ROBO2: variants seen among roughly 807,000 people sequenced by gnomAD.
ROBO2 encodes roundabout guidance receptor 2.
ROBO2 carries 53 observed loss-of-function variants against 160.8 expected under a neutral mutation model. The observed-to-expected ratio is 0.33, with a 90% CI of 0.26 to 0.41. The LOEUF (loss-of-function observed/expected upper bound fraction) is 0.41, where lower values mean the gene tolerates loss of function less well. ROBO2 is among the 10% of genes least tolerant of loss of function. The pLI is 1.00. For missense variants in ROBO2, 1,577 were observed against 1,722.4 expected (o/e 0.92, Z 1.49); for synonymous variants, 664 against 611.7 (o/e 1.09, Z -1.26).
chr3:76,343,562 G>A (rs2074356051), intron 2 of ROBO2, among the ~76,000 whole-genome samples: 1 of 150,884 alleles, frequency 6.6e-6, no homozygotes, highest in Non-Finnish European at 1.5e-5. Flanking sequence ...TGCGGTTTTT[G>A]CCATTGAAAC....
intron 6 of ROBO2, among the ~76,000 whole-genome samples, chr3:77,544,102 C>A (rs924177552): frequency 2.8e-5 from 3 of 105,490 alleles, no homozygotes; most frequent in East Asian, 5.2e-4. Context: ...CGGAAACAAA[C>A]CTTAAGTGTT....
At chr3:76,461,383 G>T (rs959082015) in intron 2 of ROBO2, among the ~76,000 whole-genome samples, 2 of 152,114 alleles carry the variant, frequency 1.3e-5, no homozygotes, top group Non-Finnish European at 2.9e-5. Context: ...GATTTGGGCA[G>T]GGACAAATAT....
chr3:76,047,779 T>C (rs927931701), intron 2 of ROBO2, among the ~76,000 whole-genome samples: 2 of 152,214 alleles, frequency 1.3e-5, no homozygotes, highest in South Asian at 4.1e-4. Flanking sequence ...TAATTTCTAC[T>C]AAGAAGTGTG....
intron 2 of ROBO2, among the ~76,000 whole-genome samples, chr3:75,966,341 T>C (rs1949114737): frequency 6.6e-6 from 1 of 151,750 alleles, no homozygotes; most frequent in South Asian, 2.1e-4. Context: ...GGTTTCCCTA[T>C]ACAATAGTCA....
chr3:76,343,650 G>C (rs1027107362), intron 2 of ROBO2, among the ~76,000 whole-genome samples: 4 of 151,860 alleles, frequency 2.6e-5, no homozygotes, highest in African/African-American at 7.3e-5. Flanking sequence ...AGGTGTTTAA[G>C]TGACAAAGCA....
chr3:76,643,081 A>G (rs2090783194), intron 2 of ROBO2, among the ~76,000 whole-genome samples: 1 of 152,186 alleles, frequency 6.6e-6, no homozygotes, highest in South Asian at 2.1e-4. Flanking sequence ...TTCTGTATTA[A>G]AAGAGGTCCT....
At chr3:76,524,331 A>C (rs959262666) in intron 2 of ROBO2, among the ~76,000 whole-genome samples, 1 of 152,008 alleles carries the variant, frequency 6.6e-6, no homozygotes, top group Non-Finnish European at 1.5e-5. Flanking sequence ...AATGTCATTG[A>C]AACTACTCTA....
chr3:75,924,542 G>A (rs1309727695), intron 1 of ROBO2, among the ~76,000 whole-genome samples: 1 of 152,044 alleles, frequency 6.6e-6, no homozygotes, highest in East Asian at 1.9e-4. Flanking sequence ...GACAAAAAAT[G>A]TGTTGTTTTA....
chr3:77,594,755 G>T (rs1157489509), intron 17 of ROBO2, among the ~76,000 whole-genome samples: 1 of 152,014 alleles, frequency 6.6e-6, no homozygotes, highest in Non-Finnish European at 1.5e-5. Flanking sequence ...TGAGTGTTTT[G>T]TCTTATGCCT....
intron 2 of ROBO2, among the ~76,000 whole-genome samples, chr3:77,378,260 G>A (rs558000914): frequency 1.3e-5 from 2 of 152,106 alleles, no homozygotes; most frequent in African/African-American, 4.8e-5. Flanking sequence ...CTAATATTTT[G>A]TTGAGAACTT....
In ROBO2 at chr3:76,828,873, A is replaced by G. The variant is rs1324309320; in HGVS notation, c.110-269141A>G. Among the ~76,000 whole-genome samples the G allele has an allele frequency of 2.0e-5, 3 of 151,976 alleles. No homozygotes were observed. In the East Asian group the frequency reaches 5.8e-4, roughly 30 times the overall value. Reference sequence around the variant, plus strand: ...GATGTTTTTGTACCTCTTTTTACAGACAGAAAAAAAAAAGATCTTTCCCTT... The same window carrying G: ...GATGTTTTTGTACCTCTTTTTACAGGCAGAAAAAAAAAAGATCTTTCCCTT... On this transcript the variant is annotated intron_variant, in intron 2 of 26. Coordinates refer to the ROBO2 transcript ENST00000487694.
At chr3:76,951,875 G>A (rs1271537156) in intron 2 of ROBO2, among the ~76,000 whole-genome samples, 3 of 152,076 alleles carry the variant, frequency 2.0e-5, no homozygotes, top group South Asian at 2.1e-4. Flanking sequence ...AGCCCCAACC[G>A]TAGGCATACA....
intron 2 of ROBO2, among the ~76,000 whole-genome samples, chr3:76,269,955 G>T (rs1707332320): frequency 6.6e-6 from 1 of 151,926 alleles, no homozygotes; most frequent in Admixed American, 6.6e-5. Context: ...GAAGTTAAAT[G>T]ATTAAAGATA....
Position 76,263,108 on chromosome 3 carries a change from C to T in ROBO2, c.109+325506C>T, listed in dbSNP as rs142011492. 2.0e-3 allele frequency among the ~76,000 whole-genome samples: 306 copies of T among 152,210 alleles called. 1 individual carries two copies. The highest frequency in any genetic ancestry group is 6.5e-3 in the African/African-American group (270 of 41,538). On this transcript the variant is annotated intron_variant, in intron 2 of 26. Transcript: ENST00000487694. ...TCCATGTAGCCACATTCCTAGCCCT[C>T]AGTAAGCATTGTTCTCCTGGTTACT...
At chr3:77,553,524 AG>A (rs1435706593) in intron 8 of ROBO2, among the ~76,000 whole-genome samples, 4 of 152,000 alleles carry the variant, frequency 2.6e-5, no homozygotes, top group African/African-American at 9.7e-5. Flanking sequence ...ATAGGCCAAA[AG>A]CTGGGCCTCT....
intron 2 of ROBO2, among the ~76,000 whole-genome samples, chr3:76,485,126 T>C (rs1487943197): frequency 1.3e-5 from 2 of 152,096 alleles, no homozygotes; most frequent in Admixed American, 6.6e-5. Flanking sequence ...ATTATATTCA[T>C]TGTGCACTTT....
intron 2 of ROBO2, among the ~76,000 whole-genome samples, chr3:77,372,234 T>G (rs1022783418): frequency 2.0e-5 from 3 of 151,920 alleles, no homozygotes; most frequent in Non-Finnish European, 2.9e-5. Flanking sequence ...GGAAAAGCAT[T>G]ATTAAAAAGT....
chr3:77,568,026 AAAGT>A (rs2093535341), intron 12 of ROBO2, among the ~76,000 whole-genome samples: 1 of 152,114 alleles, frequency 6.6e-6, no homozygotes, highest in East Asian at 1.9e-4. Context: ...CTTTAGTAAT[AAAGT>A]AAGTGATCTT....
intron 2 of ROBO2, among the ~76,000 whole-genome samples, chr3:76,456,185 A>G (rs2077741076): frequency 6.6e-6 from 1 of 152,190 alleles, no homozygotes; most frequent in African/African-American, 2.4e-5. Context: ...CAATTGCAAT[A>G]CCATAATTTA....
Sources: gnomAD v4.1 joint callset for allele counts (sites outside exome capture counted in the v4.1 genomes callset) on GRCh38, gnomAD v4.1.1 for gene constraint, MANE v1.5 for transcripts, NCBI Gene and HGNC (gene_info 2026-07-23, HGNC 2026-07-21) for gene names.